TENM3: variants seen among roughly 807,000 people sequenced by gnomAD.
TENM3 encodes teneurin-3.
In TENM3, 63 loss-of-function variants were observed where a neutral mutation model predicts 255.1. That is an observed-to-expected ratio of 0.25 (90% CI 0.20 to 0.30). The LOEUF (loss-of-function observed/expected upper bound fraction) is 0.30. Ranked by LOEUF, TENM3 falls within the 10% of genes least tolerant of loss-of-function variation. TENM3 has a pLI of 1.00. For synonymous variants in TENM3, 1,306 were observed against 1,322.3 expected (o/e 0.99, Z 0.27); for missense variants, 2,929 against 3,461.1 (o/e 0.85, Z 3.86).
At chr4:182,315,697 G>C (rs79988876) in intron 1 of TENM3, among the ~76,000 whole-genome samples, 73 of 152,050 alleles carry the variant, frequency 4.8e-4, no homozygotes, top group Non-Finnish European at 8.5e-4. Flanking sequence ...ACTTTTGTCT[G>C]TCTTCTTCTT....
intron 3 of TENM3, among the ~76,000 whole-genome samples, chr4:182,578,532 A>G (rs915645295): frequency 6.6e-6 from 1 of 152,130 alleles, no homozygotes; most frequent in Non-Finnish European, 1.5e-5. Context: ...GAATCAACCA[A>G]TACTACATGA....
At chr4:181,966,509 A>T in the TENM3 span, among the ~76,000 whole-genome samples, 3 of 152,174 alleles carry the variant, frequency 2.0e-5, no homozygotes, top group African/African-American at 7.2e-5. Context: ...TGAAAAATCC[A>T]TTCAAGATTT....
the TENM3 span, among the ~76,000 whole-genome samples, chr4:181,489,076 G>T: frequency 1.3e-5 from 2 of 152,126 alleles, no homozygotes; most frequent in African/African-American, 4.8e-5. Flanking sequence ...CTGGAAATTG[G>T]CAGGGTGCTG....
At chr4:181,613,305 C>T in the TENM3 span, among the ~76,000 whole-genome samples, 3 of 152,174 alleles carry the variant, frequency 2.0e-5, no homozygotes, top group South Asian at 6.2e-4. Context: ...CAAAGGATTC[C>T]TTCCCCTCGG....
chr4:182,326,119 C>T (rs936356114), intron 2 of TENM3, among the ~76,000 whole-genome samples: 1 of 152,190 alleles, frequency 6.6e-6, no homozygotes, highest in Non-Finnish European at 1.5e-5. Context: ...CCAGGGAGGC[C>T]TTGTTGGAGA....
chr4:181,890,729 G>T, the TENM3 span, among the ~76,000 whole-genome samples: 1 of 151,946 alleles, frequency 6.6e-6, no homozygotes, highest in Non-Finnish European at 1.5e-5. Flanking sequence ...TACTTAAAGG[G>T]GCCCCAACCA....
chr4:181,747,682 T>C, the TENM3 span, among the ~76,000 whole-genome samples: 1 of 152,014 alleles, frequency 6.6e-6, no homozygotes, highest in Non-Finnish European at 1.5e-5. Context: ...CATTCCTGCT[T>C]AATTTTGTCA....
the TENM3 span, among the ~76,000 whole-genome samples, chr4:181,853,532 T>C: frequency 2.6e-5 from 4 of 152,370 alleles, no homozygotes; most frequent in South Asian, 2.1e-4. Context: ...TCGTTGACTT[T>C]CTCAGCTCAC....
intron 22 of TENM3, among the ~76,000 whole-genome samples, chr4:182,759,661 C>G (rs542114488): frequency 6.6e-6 from 1 of 152,238 alleles, no homozygotes; most frequent in South Asian, 2.1e-4. Context: ...AAAACTTTTC[C>G]CATGCAAATA....
chr4:182,752,527 G>A (rs1561200483), intron 20 of TENM3, among the ~76,000 whole-genome samples: 1 of 3,722 alleles, frequency 2.7e-4, no homozygotes, highest in Non-Finnish European at 0.011. Context: ...GGAGGTAACA[G>A]GGCTAAAAAA....
chr4:182,293,937 G>A (rs1049280453), intron 1 of TENM3, among the ~76,000 whole-genome samples: 6 of 151,966 alleles, frequency 3.9e-5, no homozygotes, highest in Non-Finnish European at 7.4e-5. Context: ...TAACCCAAAT[G>A]CCTCGACAAT....
chr4:182,093,370 C>T, the TENM3 span, among the ~76,000 whole-genome samples: 16 of 152,142 alleles, frequency 1.1e-4, no homozygotes, highest in African/African-American at 3.9e-4. Flanking sequence ...ATCCACACAT[C>T]AAAGGAGAGA....
intron 22 of TENM3, among the ~76,000 whole-genome samples, chr4:182,767,551 G>T (rs1763822532): frequency 1.3e-5 from 2 of 152,160 alleles, no homozygotes; most frequent in Non-Finnish European, 2.9e-5. Flanking sequence ...TGGAAGAAAA[G>T]ATTCTCCCTC....
the TENM3 span, among the ~76,000 whole-genome samples, chr4:182,022,678 A>G: frequency 1.3e-5 from 2 of 152,142 alleles, no homozygotes; most frequent in Admixed American, 1.3e-4. Flanking sequence ...AATTTTCCCA[A>G]TTTATTTTTT....
At chr4:182,457,186 C>CAA (rs34395020) in intron 3 of TENM3, among the ~76,000 whole-genome samples, 139 of 96,970 alleles carry the variant, frequency 1.4e-3, no homozygotes, top group Non-Finnish European at 2.0e-3. Flanking sequence ...CTCTGTCTCT[C>CAA]AAAAAAAAAA....
intron 5 of TENM3, among the ~76,000 whole-genome samples, chr4:182,644,684 A>G (rs77363039): frequency 0.16 from 24,503 of 152,178 alleles, 2,079 homozygotes; most frequent in Non-Finnish European, 0.18. Context: ...ATTTCAATTA[A>G]TAAGGTTTTT....
At chr4:181,504,045 T>G in the TENM3 span, among the ~76,000 whole-genome samples, 1 of 152,238 alleles carries the variant, frequency 6.6e-6, no homozygotes, top group Admixed American at 6.5e-5. Flanking sequence ...TTGAGCACTG[T>G]GCCTTAATCA....
chr4:181,567,950 A>C, the TENM3 span, among the ~76,000 whole-genome samples: 1 of 152,180 alleles, frequency 6.6e-6, no homozygotes, highest in Non-Finnish European at 1.5e-5. Context: ...TGGCCAACTT[A>C]CTTGTCAGAG....
At chr4:181,843,237 T>G in the TENM3 span, among the ~76,000 whole-genome samples, 1 of 152,270 alleles carries the variant, frequency 6.6e-6, no homozygotes, top group South Asian at 2.1e-4. Flanking sequence ...CCAATTAAAT[T>G]TAGAGGTGAT....
Sources: gnomAD v4.1 joint callset for allele counts (sites outside exome capture counted in the v4.1 genomes callset) on GRCh38, gnomAD v4.1.1 for gene constraint, MANE v1.5 for transcripts, NCBI Gene and HGNC (gene_info 2026-07-23, HGNC 2026-07-21) for gene names.